The following WDR49 variants were observed in gnomAD, a reference collection of about 807,000 sequenced individuals.
WDR49 encodes the protein cilia- and flagella-associated protein 337.
In WDR49, 107 loss-of-function variants were observed where a neutral mutation model predicts 119.5. That is an observed-to-expected ratio of 0.90 (90% CI 0.77 to 1.05). The LOEUF (loss-of-function observed/expected upper bound fraction) is 1.05. WDR49 is among the 50% of genes least tolerant of loss of function. WDR49 has a pLI of 0.00. For missense variants in WDR49, 1,240 were observed against 1,220.5 expected, an observed-to-expected ratio of 1.02 and a Z score of -0.24; for synonymous variants, 425 against 418.8, an observed-to-expected ratio of 1.01 and a Z score of -0.18.
At chr3:167,571,649 T>C (rs919960877) in intron 8 of WDR49, among the ~76,000 whole-genome samples, 1 of 152,218 alleles carries the variant, frequency 6.6e-6, no homozygotes, top group African/African-American at 2.4e-5. Context: ...TAACATATTA[T>C]TGAATAGAAA....
chr3:167,624,991 C>A (rs1160611317), intron 3 of WDR49, among the ~76,000 whole-genome samples: 3 of 152,042 alleles, frequency 2.0e-5, no homozygotes, highest in African/African-American at 7.2e-5. Flanking sequence ...GCAAATTACA[C>A]AACTTCTCTT....
At chr3:167,601,569 G>T (rs1000957182) in intron 7 of WDR49, among the ~76,000 whole-genome samples, 18 of 152,078 alleles carry the variant, frequency 1.2e-4, no homozygotes, top group Non-Finnish European at 2.4e-4. Flanking sequence ...AAATAGTGTT[G>T]TCAGGATTCA....
intron 8 of WDR49, among the ~76,000 whole-genome samples, chr3:167,574,897 C>T (rs1174983602): frequency 1.3e-5 from 2 of 152,178 alleles, no homozygotes; most frequent in African/African-American, 2.4e-5. Context: ...AATGTTTTCC[C>T]GCAGATGGAA....
intron 16 of WDR49, among the ~76,000 whole-genome samples, chr3:167,519,619 C>T (rs1277890167): frequency 1.3e-5 from 2 of 151,756 alleles, no homozygotes; most frequent in Non-Finnish European, 2.9e-5. Context: ...GAACAACACA[C>T]ACTGGAACCT....
At chr3:167,586,124 C>T (rs1215714760) in intron 7 of WDR49, among the ~76,000 whole-genome samples, 1 of 152,090 alleles carries the variant, frequency 6.6e-6, no homozygotes, top group African/African-American at 2.4e-5. Flanking sequence ...AAATCAGAAC[C>T]TCAAACAAAG....
intron 13 of WDR49, 149 bp downstream of exon 13, chr3:167,530,966 T>A: frequency 2.7e-6 from 2 of 752,688 alleles, no homozygotes; most frequent in Non-Finnish European, 4.1e-6. Context: ...CAATTCCAAC[T>A]TCCTTTGCCA....
Position 167,560,024 on chromosome 3 carries a change from C to T in WDR49, c.1674+40G>A, listed in dbSNP as rs749712112. 6 of 1,595,178 alleles carry T rather than the reference C, an allele frequency of 3.8e-6. No individual in the cohort carries two copies. The East Asian group carries it at 6.8e-5, about 18-fold the overall frequency. Reference sequence around the variant, plus strand: ...ATGTCTTCTGGCATAGTATTTTAGTCTCCTCATATCTGGATAGAAAAGCAT... The same window carrying T: ...ATGTCTTCTGGCATAGTATTTTAGTTTCCTCATATCTGGATAGAAAAGCAT... On this transcript the variant is annotated intron_variant, in intron 9 of 18. Coordinates refer to ENST00000682715, the MANE Select transcript of WDR49 (RefSeq NM_001366157.1).
intron 5 of WDR49, among the ~76,000 whole-genome samples, chr3:167,619,012 A>C (rs1716733148): frequency 6.6e-6 from 1 of 152,166 alleles, no homozygotes; most frequent in Non-Finnish European, 1.5e-5. Flanking sequence ...GATATAATGC[A>C]TCATCGGAAA....
chr3:167,510,812 T>C (rs1181369530), intron 16 of WDR49, among the ~76,000 whole-genome samples: 1 of 152,022 alleles, frequency 6.6e-6, no homozygotes, highest in East Asian at 1.9e-4. Flanking sequence ...TCTTTAGACT[T>C]TTTCTATTTT....
chr3:167,516,434 A>G (rs1189136687), intron 16 of WDR49, among the ~76,000 whole-genome samples: 1 of 151,992 alleles, frequency 6.6e-6, no homozygotes, highest in Non-Finnish European at 1.5e-5. Flanking sequence ...TGAACGCATC[A>G]TTTTTTATGG....
intron 5 of WDR49, 90 bp downstream of exon 5, chr3:167,620,339 A>G (rs1431619871): frequency 3.0e-6 from 4 of 1,329,324 alleles, no homozygotes; most frequent in Non-Finnish European, 3.9e-6. Context: ...TTCTAGACTT[A>G]AAGGTTTTGT....
chr3:167,639,009 G>C (rs1055241694), intron 2 of WDR49, among the ~76,000 whole-genome samples: 4 of 151,534 alleles, frequency 2.6e-5, no homozygotes, highest in African/African-American at 4.8e-5. Context: ...AAATATAATT[G>C]TTCTTATTAA....
intron 8 of WDR49, 84 bp from the exon 9 acceptor site, chr3:167,560,312 C>T: frequency 1.5e-6 from 2 of 1,332,920 alleles, no homozygotes; most frequent in Non-Finnish European, 1.0e-6. Flanking sequence ...CCAGCCTGTG[C>T]ATTTCTAGTC....
At chr3:167,554,523 G>A in intron 10 of WDR49, 127 bp downstream of exon 10, 1 of 517,044 alleles carries the variant, frequency 1.9e-6, no homozygotes, top group Non-Finnish European at 3.4e-6. Flanking sequence ...TAAGCATTCA[G>A]TCAATTCCAA....
chr3:167,641,098 C>A (rs1454419417), intron 2 of WDR49, among the ~76,000 whole-genome samples: 2 of 151,880 alleles, frequency 1.3e-5, no homozygotes, highest in Admixed American at 6.6e-5. Flanking sequence ...CAATGGAGGG[C>A]AGGCAGAGGT....
Position 167,554,742 on chromosome 3 carries a change from AGCTCCATCTT to A in WDR49, c.1721_1730del (p.Gln574LeufsTer30). 1 of 1,613,654 alleles carries A rather than the reference AGCTCCATCTT, an allele frequency of 6.2e-7. No homozygotes were observed. Among genetic ancestry groups the A allele is most frequent in the Non-Finnish European group, 8.5e-7 (1 of 1,179,796 alleles). On this transcript the variant is annotated frameshift_variant, in exon 10 of 19. Transcript: ENST00000682715. LOFTEE classifies it high-confidence loss of function. ...GAATGAGGATTTGTGAAATATCCAC[AGCTCCATCTT>A]GCCCAACATTTAGTGTATGGTGACA...
At chr3:167,594,509 C>A (rs1371882872) in intron 7 of WDR49, among the ~76,000 whole-genome samples, 1 of 152,092 alleles carries the variant, frequency 6.6e-6, no homozygotes, top group Non-Finnish European at 1.5e-5. Context: ...CAAGATGTGA[C>A]CTGGCTTTTT....
intron 6 of WDR49, among the ~76,000 whole-genome samples, chr3:167,602,794 G>A (rs1051037559): frequency 2.0e-5 from 3 of 152,088 alleles, no homozygotes; most frequent in African/African-American, 4.8e-5. Context: ...CAGCATATAC[G>A]AATATGGTCC....
intron 2 of WDR49, among the ~76,000 whole-genome samples, chr3:167,634,847 T>A (rs1302307547): frequency 6.6e-6 from 1 of 151,786 alleles, no homozygotes; most frequent in African/African-American, 2.4e-5. Flanking sequence ...TTAAAATCAT[T>A]TATAATGCCA....
Sources: gnomAD v4.1 joint callset for allele counts (sites outside exome capture counted in the v4.1 genomes callset) on GRCh38, gnomAD v4.1.1 for gene constraint, MANE v1.5 for transcripts, NCBI Gene and HGNC (gene_info 2026-07-23, HGNC 2026-07-21) for gene names.